SOHLH2: variants seen among roughly 807,000 people sequenced by gnomAD.
The protein encoded by SOHLH2 is spermatogenesis- and oogenesis-specific basic helix-loop-helix-containing protein 2.
In SOHLH2, 22 loss-of-function variants were observed where a neutral mutation model predicts 50.4. The ratio of observed to expected loss-of-function variants is 0.44; its 90% CI spans 0.31 to 0.62. SOHLH2 has a LOEUF of 0.62. SOHLH2 is among the 20% of genes least tolerant of loss of function. SOHLH2 has a pLI of 0.08. For synonymous variants in SOHLH2, 185 were observed against 187.3 expected, an observed-to-expected ratio of 0.99 and a Z score of 0.10; for missense variants, 412 against 504.4, an observed-to-expected ratio of 0.82 and a Z score of 1.76.
At position 36,193,264 on chromosome 13, in the gene SOHLH2, C is replaced by G. The variant is rs1247960203; in HGVS notation, c.430+357G>C. ...TGCAAGTGTTTTGCAAAGAAGAAAG[C>G]ACAATACAATTGTAGGTTAGGGCCC... On this transcript the variant is annotated intron_variant, in intron 4 of 10. Transcript: ENST00000379881. Among the ~76,000 whole-genome samples, 4 of 152,164 alleles carry G rather than the reference C, an allele frequency of 2.6e-5. No homozygotes were observed. The East Asian group carries it at 7.7e-4, about 29-fold the overall frequency.
At chr13:36,211,818 C>A (rs189496102) in intron 1 of SOHLH2, among the ~76,000 whole-genome samples, 1 of 152,310 alleles carries the variant, frequency 6.6e-6, no homozygotes, top group African/African-American at 2.4e-5. Flanking sequence ...ACAAAGAACA[C>A]AGAAAACGTC....
chr13:36,196,689 C>T (rs577707186), intron 2 of SOHLH2, among the ~76,000 whole-genome samples: 9 of 151,900 alleles, frequency 5.9e-5, no homozygotes, highest in East Asian at 5.8e-4. Context: ...TTTTGAAAAC[C>T]CGACTTTTCA....
In SOHLH2 at chr13:36,170,660, A is replaced by G. The variant is rs1006711296; in HGVS notation, c.1128T>C (p.Asp376=). 1.2e-6 allele frequency: 2 copies of G among 1,614,218 alleles called. No individual in the cohort carries two copies. Among genetic ancestry groups the G allele is most frequent in the Non-Finnish European group, 8.5e-7 (1 of 1,180,030 alleles). Residue 376 remains aspartate (D), a synonymous_variant, in exon 10 of 11, where the codon GAT becomes GAC. Coordinates refer to ENST00000379881, the MANE Select transcript of SOHLH2 (RefSeq NM_017826.3). ...TGTTCTGATTTGTTACAGCAGTTGC[A>G]TCGTAGGAAGGGGTGACTTTAGAAT... ...RYYSKVTPSY[D]ATAVTNQNIS...
intron 2 of SOHLH2, among the ~76,000 whole-genome samples, chr13:36,196,054 C>CAT (rs1409069896): frequency 6.7e-6 from 1 of 149,940 alleles, no homozygotes; most frequent in East Asian, 1.9e-4. Context: ...GTCAGCATTT[C>CAT]ATATATATAT....
chr13:36,207,729 T>C (rs1362855068), intron 1 of SOHLH2, among the ~76,000 whole-genome samples: 3 of 152,208 alleles, frequency 2.0e-5, no homozygotes, highest in African/African-American at 7.2e-5. Flanking sequence ...TCTTCTAATA[T>C]GCAATGGTTT....
At chr13:36,178,342 A>T (rs1887148979) in intron 6 of SOHLH2, among the ~76,000 whole-genome samples, 1 of 152,118 alleles carries the variant, frequency 6.6e-6, no homozygotes, top group Non-Finnish European at 1.5e-5. Flanking sequence ...CTCTTTCCAG[A>T]TGGATATCTA....
chr13:36,203,210 T>TA (rs1185267428), intron 1 of SOHLH2, among the ~76,000 whole-genome samples: 1 of 152,240 alleles, frequency 6.6e-6, no homozygotes, highest in East Asian at 1.9e-4. Context: ...ATAAGTACGA[T>TA]ACACACATAC....
chr13:36,188,148 C>T (rs1010290216), intron 6 of SOHLH2, among the ~76,000 whole-genome samples: 1 of 152,160 alleles, frequency 6.6e-6, no homozygotes, highest in Non-Finnish European at 1.5e-5. Flanking sequence ...TGTCTTGGAC[C>T]CTCCTGACTG....
intron 6 of SOHLH2, among the ~76,000 whole-genome samples, chr13:36,186,057 G>A (rs868123781): frequency 6.6e-5 from 10 of 151,960 alleles, no homozygotes; most frequent in South Asian, 6.2e-4. Context: ...AAACACAGAT[G>A]CAAAAATTGT....
Position 36,168,783 on chromosome 13 carries a change from C to CG in SOHLH2, c.*250_*251insC. On this transcript the variant is annotated 3_prime_UTR_variant, in exon 11 of 11. Transcript: ENST00000379881. ...GTGTAGGTCACTGAGGCCATTTGTTCTTGTAGCTCTCTGGCTGGCGGGGAT... is the reference window on the plus strand; with the variant it reads ...GTGTAGGTCACTGAGGCCATTTGTTCGTTGTAGCTCTCTGGCTGGCGGGGAT... 2.1e-6 allele frequency: 1 copy of CG among 482,710 alleles called. No individual in the cohort carries two copies. Among genetic ancestry groups the CG allele is most frequent in the Non-Finnish European group, 3.5e-6 (1 of 284,410 alleles). The allele number at this position is 482,710 out of a possible 1,614,324, so 29.9% of individuals were successfully genotyped here.
chr13:36,206,480 G>T (rs974619162), intron 1 of SOHLH2, among the ~76,000 whole-genome samples: 2 of 151,838 alleles, frequency 1.3e-5, no homozygotes, highest in African/African-American at 2.4e-5. Context: ...AGTATGTTTG[G>T]TTTTTTATTT....
chr13:36,188,090 G>A (rs777318409), intron 6 of SOHLH2, among the ~76,000 whole-genome samples: 1 of 152,122 alleles, frequency 6.6e-6, no homozygotes, highest in Admixed American at 6.5e-5. Context: ...GACAGCCCCC[G>A]CTGAGCTCAG....
intron 6 of SOHLH2, among the ~76,000 whole-genome samples, chr13:36,178,820 G>GT (rs748848806): frequency 0.059 from 7,514 of 127,100 alleles, 245 homozygotes; most frequent in African/African-American, 0.1. Flanking sequence ...CAGATCATTT[G>GT]TTTTTTTTTT....
In SOHLH2 at chr13:36,193,570, T is replaced by C. The variant is rs779775839; in HGVS notation, c.430+51A>G. ...TTTTGTCAGAATATATGAGCAGAGT[T>C]TTCAAAGATTTTAATTCAAATTTTG... On this transcript the variant is annotated intron_variant, in intron 4 of 10. Transcript: ENST00000379881. The C allele has an allele frequency of 5.2e-6, 8 of 1,548,610 alleles. No homozygotes were observed. In the East Asian group the frequency reaches 1.4e-4, roughly 26 times the overall value.
intron 6 of SOHLH2, among the ~76,000 whole-genome samples, chr13:36,175,071 G>A (rs1001672272): frequency 6.6e-6 from 1 of 152,128 alleles, no homozygotes; most frequent in Non-Finnish European, 1.5e-5. Flanking sequence ...GGGCACCCAC[G>A]CATACTGCTA....
intron 3 of SOHLH2, 25 bp downstream of exon 3, chr13:36,193,781 A>C (rs372724178): frequency 4.3e-5 from 69 of 1,602,974 alleles, no homozygotes; most frequent in South Asian, 1.6e-4. Context: ...AGAAAAAACA[A>C]ATACTATATT....
intron 5 of SOHLH2, among the ~76,000 whole-genome samples, chr13:36,191,297 T>A (rs903168618): frequency 5.7e-4 from 87 of 152,212 alleles, no homozygotes; most frequent in African/African-American, 1.9e-3. Context: ...TTCCAAAAGC[T>A]ACATGAGGTA....
chr13:36,176,027 A>C (rs1255065812), intron 6 of SOHLH2, among the ~76,000 whole-genome samples: 4 of 152,238 alleles, frequency 2.6e-5, no homozygotes, highest in Non-Finnish European at 5.9e-5. Context: ...AAAACAACAC[A>C]TAACATAGGA....
At position 36,208,816 on chromosome 13, in the gene SOHLH2, A is replaced by G. The variant is rs78650804; in HGVS notation, c.48+5663T>C. Among the ~76,000 whole-genome samples the G allele has an allele frequency of 1.5e-4, 23 of 152,298 alleles. No individual in the cohort carries two copies. The East Asian group carries it at 4.4e-3, about 29-fold the overall frequency. On this transcript the variant is annotated intron_variant, in intron 1 of 10. Coordinates refer to ENST00000379881, the MANE Select transcript of SOHLH2 (RefSeq NM_017826.3). ...AAAACATCTTCACTGTGCTCTCACA[A>G]TTCAGTGCAAGTTTTACCCAGCAAA...
Sources: gnomAD v4.1 joint callset for allele counts (sites outside exome capture counted in the v4.1 genomes callset) on GRCh38, gnomAD v4.1.1 for gene constraint, MANE v1.5 for transcripts, NCBI Gene and HGNC (gene_info 2026-07-23, HGNC 2026-07-21) for gene names.